SOHLH2: variants seen among roughly 807,000 people sequenced by gnomAD.
SOHLH2 encodes spermatogenesis and oogenesis specific basic helix-loop-helix 2.
A neutral mutation model predicts 50.4 loss-of-function variants in SOHLH2; 22 were observed. That is an observed-to-expected ratio of 0.44 (90% CI 0.31 to 0.62). SOHLH2 has a LOEUF of 0.62. Among genes scored for constraint, SOHLH2 ranks in the 20% least tolerant of loss-of-function variants. The pLI is 0.08. For synonymous variants in SOHLH2, 185 were observed against 187.3 expected (o/e 0.99, Z 0.10); for missense variants, 412 against 504.4 (o/e 0.82, Z 1.76).
chr13:36,214,555 G>C lies in SOHLH2; in HGVS notation c.-29C>G. The C allele has an allele frequency of 1.2e-6, 2 of 1,605,906 alleles. No individual in the cohort carries two copies. Among genetic ancestry groups the C allele is most frequent in the Non-Finnish European group, 1.7e-6 (2 of 1,176,664 alleles). On this transcript the variant is annotated 5_prime_UTR_variant, in exon 1 of 11. Transcript: ENST00000379881. Reference sequence around the variant, plus strand: ...CGCTGCGCACGTGCTGGGTCCTGGGGCAGCCTCCCAGCAGGAGGAGCTCCA... The same window carrying C: ...CGCTGCGCACGTGCTGGGTCCTGGGCCAGCCTCCCAGCAGGAGGAGCTCCA...
intron 1 of SOHLH2, among the ~76,000 whole-genome samples, chr13:36,205,680 G>A (rs1868718084): frequency 1.3e-5 from 2 of 151,810 alleles, no homozygotes; most frequent in African/African-American, 2.4e-5. Flanking sequence ...ATATAATTTT[G>A]TTTTATTGTA....
intron 6 of SOHLH2, among the ~76,000 whole-genome samples, chr13:36,187,362 AT>A (rs147695408): frequency 0.02 from 2,978 of 152,310 alleles, 81 homozygotes; most frequent in African/African-American, 0.068. Context: ...TATCAACATT[AT>A]TTTAACATCA....
At chr13:36,206,918 G>A (rs1347069505) in intron 1 of SOHLH2, among the ~76,000 whole-genome samples, 2 of 151,280 alleles carry the variant, frequency 1.3e-5, no homozygotes, top group Non-Finnish European at 3.0e-5. Context: ...TACATAGTAT[G>A]TTATTAGTGT....
In SOHLH2 at chr13:36,214,548, T is replaced by G; in HGVS notation, c.-22A>C. 6.2e-7 allele frequency: 1 copy of G among 1,607,562 alleles called. No individual in the cohort carries two copies. Among genetic ancestry groups the G allele is most frequent in the Non-Finnish European group, 8.5e-7 (1 of 1,177,452 alleles). On this transcript the variant is annotated 5_prime_UTR_variant, in exon 1 of 11. Transcript: ENST00000379881. ...CCATGGCCGCTGCGCACGTGCTGGG[T>G]CCTGGGGCAGCCTCCCAGCAGGAGG...
At chr13:36,198,007 T>C (rs9593901) in intron 2 of SOHLH2, among the ~76,000 whole-genome samples, 1,958 of 152,338 alleles carry the variant, frequency 0.013, 36 homozygotes, top group African/African-American at 0.044. Context: ...ATGAGTTACA[T>C]TGTCAAGTCA....
intron 6 of SOHLH2, among the ~76,000 whole-genome samples, chr13:36,187,462 G>C (rs1359417696): frequency 6.6e-6 from 1 of 152,012 alleles, no homozygotes; most frequent in Non-Finnish European, 1.5e-5. Flanking sequence ...TTTCTCATTT[G>C]GCTTCAGATG....
chr13:36,169,491 CAG>C (rs1230344456), intron 10 of SOHLH2, among the ~76,000 whole-genome samples: 1 of 152,164 alleles, frequency 6.6e-6, no homozygotes, highest in Non-Finnish European at 1.5e-5. Flanking sequence ...AAGATTGTAA[CAG>C]TATCTACCGT....
At chr13:36,212,181 AC>A (rs1212126298) in intron 1 of SOHLH2, among the ~76,000 whole-genome samples, 5 of 152,176 alleles carry the variant, frequency 3.3e-5, no homozygotes, top group Non-Finnish European at 5.9e-5. Context: ...AGAAACAAGC[AC>A]CACTAACCCA....
chr13:36,203,742 A>AT (rs1266743832), intron 1 of SOHLH2, among the ~76,000 whole-genome samples: 3 of 152,040 alleles, frequency 2.0e-5, no homozygotes, highest in Admixed American at 6.5e-5. Flanking sequence ...TTTTATTGGC[A>AT]TTTTTTGAAT....
At chr13:36,194,839 T>C (rs570532622) in intron 2 of SOHLH2, among the ~76,000 whole-genome samples, 13 of 152,320 alleles carry the variant, frequency 8.5e-5, no homozygotes, top group Admixed American at 6.5e-4. Context: ...TGGTTACATA[T>C]GGTTATTATT....
chr13:36,190,042 C>T lies in SOHLH2; in HGVS notation c.545G>A (p.Arg182Lys). 1 of 1,601,596 alleles carries T rather than the reference C, an allele frequency of 6.2e-7. No homozygotes were observed. Among genetic ancestry groups the T allele is most frequent in the Admixed American group, 1.7e-5 (1 of 58,432 alleles). ...TDLFACSESL[R>K]NGNGLELNAS... ...ATTTAATTCAAGCCCATTGCCATTC[C>T]TTAAAGATTCAGAGCTAGAAACAAG... The change falls in exon 6 of 11, where the codon AGG (arginine) becomes AAG (lysine). Residue 182 changes from arginine to lysine, a missense_variant. Coordinates refer to ENST00000379881, the MANE Select transcript of SOHLH2 (RefSeq NM_017826.3).
At chr13:36,186,410 T>C (rs1046832138) in intron 6 of SOHLH2, among the ~76,000 whole-genome samples, 1 of 152,198 alleles carries the variant, frequency 6.6e-6, no homozygotes, top group Non-Finnish European at 1.5e-5. Flanking sequence ...CTCCTCTGTA[T>C]AAATGTGTCT....
chr13:36,174,410 T>G, intron 8 of SOHLH2, 66 bp downstream of exon 8: 5 of 1,598,502 alleles, frequency 3.1e-6, no homozygotes, highest in Non-Finnish European at 4.3e-6. Context: ...TTTGTGTACA[T>G]ATTTAGCATC....
At chr13:36,197,984 C>T (rs1020807124) in intron 2 of SOHLH2, among the ~76,000 whole-genome samples, 1 of 152,088 alleles carries the variant, frequency 6.6e-6, no homozygotes, top group African/African-American at 2.4e-5. Flanking sequence ...TGTAAACTAC[C>T]TAGTAAGATT....
At chr13:36,199,767 G>T (rs1386286402) in intron 2 of SOHLH2, among the ~76,000 whole-genome samples, 1 of 152,102 alleles carries the variant, frequency 6.6e-6, no homozygotes, top group Non-Finnish European at 1.5e-5. Flanking sequence ...ACATAAAGCT[G>T]GTTCTTAAAC....
chr13:36,214,542 G>A lies in SOHLH2; in HGVS notation c.-16C>T. The A allele has an allele frequency of 6.2e-7, 1 of 1,608,288 alleles. No homozygotes were observed. Among genetic ancestry groups the A allele is most frequent in the African/African-American group, 1.3e-5 (1 of 74,968 alleles). ...AGGAAGCCATGGCCGCTGCGCACGTGCTGGGTCCTGGGGCAGCCTCCCAGC... is the reference window on the plus strand; with the variant it reads ...AGGAAGCCATGGCCGCTGCGCACGTACTGGGTCCTGGGGCAGCCTCCCAGC... On this transcript the variant is annotated 5_prime_UTR_variant, in exon 1 of 11. Transcript: ENST00000379881.
chr13:36,168,497 A>G lies in SOHLH2; in HGVS notation c.*537T>C, dbSNP rs1164240576. On this transcript the variant is annotated 3_prime_UTR_variant, in exon 11 of 11. Transcript: ENST00000379881. ...AAGTGAGGAGGTAAACCCCTCTTTC[A>G]GCATCTCTCTGCATATCTTAGTTTG... 1 of 152,700 alleles carries G rather than the reference A, an allele frequency of 6.5e-6. No individual in the cohort carries two copies. Among genetic ancestry groups the G allele is most frequent in the African/African-American group, 2.4e-5 (1 of 41,480 alleles). The allele number at this position is 152,700 out of a possible 1,614,324, so 9.5% of individuals were successfully genotyped here. A position where few individuals can be genotyped will look rare whatever the true frequency, so the allele number is the denominator to read the frequency against.
chr13:36,211,278 G>A (rs1033259389), intron 1 of SOHLH2, among the ~76,000 whole-genome samples: 4 of 152,174 alleles, frequency 2.6e-5, no homozygotes, highest in African/African-American at 9.7e-5. Context: ...CTGGGATATA[G>A]TTTGTAAAAC....
chr13:36,174,362 C>T (rs1566035284), intron 8 of SOHLH2, 114 bp downstream of exon 8: 2 of 1,400,936 alleles, frequency 1.4e-6, no homozygotes, highest in Non-Finnish European at 1.9e-6. Flanking sequence ...TTCGCTGACC[C>T]TTAATAAGCC....
Sources: allele counts gnomAD v4.1 joint callset (sites outside exome capture counted in the v4.1 genomes callset), GRCh38; gene constraint gnomAD v4.1.1; transcripts MANE v1.5; gene names NCBI Gene and HGNC (gene_info 2026-07-23, HGNC 2026-07-21).